Variants in ZNF668 observed in about 807,000 individuals in gnomAD.
The protein encoded by ZNF668 is zinc finger protein 668.
A neutral mutation model predicts 40.3 loss-of-function variants in ZNF668; 10 were observed. The observed-to-expected ratio is 0.25, with a 90% CI of 0.15 to 0.42. The LOEUF (loss-of-function observed/expected upper bound fraction) is 0.42. Among genes scored for constraint, ZNF668 ranks in the 10% least tolerant of loss-of-function variants. ZNF668 has a pLI of 1.00. For synonymous variants in ZNF668, 428 were observed against 384.6 expected (o/e 1.11, Z -1.32); for missense variants, 749 against 904.6 (o/e 0.83, Z 2.21).
intron 2 of ZNF668, 117 bp downstream of exon 2, chr16:31,063,696 C>T (rs1157791417): frequency 5.8e-6 from 7 of 1,211,324 alleles, no homozygotes; most frequent in Non-Finnish European, 7.8e-6. Context: ...CTTGGATCTG[C>T]CATGCCCACC....
chr16:31,061,471 C>G lies in ZNF668; in HGVS notation c.1457G>C (p.Cys486Ser). The change falls in exon 3 of 3, where the codon TGC becomes TCC. Residue 486 changes from cysteine to serine, a missense_variant. Coordinates refer to ENST00000300849, the MANE Select transcript of ZNF668 (RefSeq NM_024706.5). The surrounding 1 kb of genome is among the most constrained non-coding windows in gnomAD (Gnocchi z 7.7). ...AGCCTCCCGGACACCAGCATCTTGG[C>G]ATTCCACATGCTCCACCGTCATGCC... ...VVGMTVEHVE[C>S]QDAGVREAPG... 2 of 1,613,602 alleles carry G rather than the reference C, an allele frequency of 1.2e-6. No homozygotes were observed. Among genetic ancestry groups the G allele is most frequent in the Non-Finnish European group, 1.7e-6 (2 of 1,179,970 alleles).
intron 1 of ZNF668, chr16:31,065,348 C>A (rs1211485350): frequency 6.4e-6 from 1 of 155,398 alleles, no homozygotes; most frequent in African/African-American, 2.4e-5. Context: ...CTGTATTAGT[C>A]TTAACACCAG....
intron 1 of ZNF668, among the ~76,000 whole-genome samples, chr16:31,072,039 G>A (rs924953328): frequency 2.6e-5 from 4 of 152,182 alleles, no homozygotes; most frequent in Non-Finnish European, 2.9e-5. Flanking sequence ...TAGGATTAGC[G>A]TTCTTATGAG....
intron 1 of ZNF668, among the ~76,000 whole-genome samples, chr16:31,068,233 AAAAAAAATATAT>A (rs1187531070): frequency 2.1e-4 from 18 of 85,236 alleles, no homozygotes; most frequent in African/African-American, 1.0e-3. Context: ...AAAAAAAAAA[AAAAAAAATATAT>A]ATATATATAT....
intron 1 of ZNF668, chr16:31,064,884 A>T: frequency 9.2e-6 from 13 of 1,417,302 alleles, no homozygotes; most frequent in Non-Finnish European, 1.2e-5. Flanking sequence ...AAGGTCTCCA[A>T]GCGCCCAGAA....
intron 1 of ZNF668, chr16:31,064,726 C>T (rs1053358440): frequency 3.1e-5 from 48 of 1,528,970 alleles, no homozygotes; most frequent in Non-Finnish European, 4.1e-5. Flanking sequence ...TTCACCTACA[C>T]GTCCCCCCCC....
At position 31,064,088 on chromosome 16, in the gene ZNF668, G is replaced by A. The variant is rs557918846; in HGVS notation, c.372C>T (p.Pro124=). ...CPECGRRFMQ[P]VCLRVHLASH... ...AGGCCAGGTGCACGCGCAGGCACAC[G>A]GGCTGCATGAAGCGGCGGCCGCACT... The change falls in exon 2 of 3, where the codon CCC becomes CCT. Residue 124 remains proline, a synonymous_variant. Coordinates refer to ENST00000300849, the MANE Select transcript of ZNF668 (RefSeq NM_024706.5). 2 of 1,606,024 alleles carry A rather than the reference G, an allele frequency of 1.2e-6. No individual in the cohort carries two copies. Among genetic ancestry groups the A allele is most frequent in the Non-Finnish European group, 1.7e-6 (2 of 1,177,038 alleles).
In ZNF668 at chr16:31,070,996, G is replaced by A. The variant is rs180851694; in HGVS notation, c.-23+2663C>T. Among the ~76,000 whole-genome samples, 274 of 151,652 alleles carry A rather than the reference G, an allele frequency of 1.8e-3. 3 individuals are homozygous for A. The highest frequency in any genetic ancestry group is 1.0e-3 in the South Asian group (5 of 4,802). ...TCTGCCTCAGCCTCCCAAGTATTTG[G>A]GATTACAGGTGCCTGCCACCACAGC... On this transcript the variant is annotated intron_variant, in intron 1 of 2. Transcript: ENST00000300849.
chr16:31,064,260 T>C lies in ZNF668; in HGVS notation c.200A>G (p.Glu67Gly), dbSNP rs1596753603. The change falls in exon 2 of 3, where the codon GAG (glutamate) becomes GGG (glycine). Residue 67 changes from glutamate to glycine, a missense_variant. By Grantham distance (98) the Glu-to-Gly change is moderately conservative (BLOSUM62 -2). Around this residue, in one of 4 missense-constraint regions of ZNF668, gnomAD observed 159 missense variants for 139.8 expected, o/e 1.14. Coordinates refer to ENST00000300849, the MANE Select transcript of ZNF668 (RefSeq NM_024706.5). ...TGACACCTTCTCCCCACTGGCTTCC[T>C]CTGCCTTAGCTTCTGTCTCTGGCTT... is the stretch of plus-strand genomic sequence containing the variant. ...KPKPETEAKA[E>G]EASGEKVSGS... The C allele has an allele frequency of 6.2e-7, 1 of 1,613,746 alleles. No individual in the cohort carries two copies. The highest frequency in any genetic ancestry group is 1.1e-5 in the South Asian group (1 of 91,092).
chr16:31,068,059 C>G (rs989802748), intron 1 of ZNF668, among the ~76,000 whole-genome samples: 1 of 151,210 alleles, frequency 6.6e-6, no homozygotes, highest in Non-Finnish European at 1.5e-5. Flanking sequence ...GGGTCTCAGC[C>G]TTCCTATCTG....
rs541185451 is a variant in ZNF668 at position 31,066,200 on chromosome 16, C to T, written c.-22-1719G>A. On this transcript the variant is annotated intron_variant, in intron 1 of 2. Transcript: ENST00000300849. ...AAGTAATGAATGATGTTTCCTGTTCCCTGCTCAAGAACTTTCCATGGCTTC... is the reference window on the plus strand; with the variant it reads ...AAGTAATGAATGATGTTTCCTGTTCTCTGCTCAAGAACTTTCCATGGCTTC... 4 of 985,406 alleles carry T rather than the reference C, an allele frequency of 4.1e-6. No individual in the cohort carries two copies. In the Admixed American group the frequency reaches 1.8e-4, roughly 45 times the overall value. The allele number at this position is 985,406 out of a possible 1,614,324, so 61.0% of individuals were successfully genotyped here.
intron 1 of ZNF668, among the ~76,000 whole-genome samples, chr16:31,068,264 A>ATG (rs1555498584): frequency 6.4e-4 from 72 of 111,780 alleles, no homozygotes; most frequent in South Asian, 2.5e-3. Flanking sequence ...ATATATATAT[A>ATG]TAATTTTTGA....
Position 31,060,891 on chromosome 16 carries a change from C to T in ZNF668, c.*177G>A, listed in dbSNP as rs1259168635. 2 of 674,888 alleles carry T rather than the reference C, an allele frequency of 3.0e-6. No individual in the cohort carries two copies. Among genetic ancestry groups the T allele is most frequent in the Non-Finnish European group, 4.4e-6 (2 of 453,856 alleles). 41.8% of individuals were successfully genotyped at this position (674,888 alleles called of 1,614,324 possible). A position where few individuals can be genotyped will look rare whatever the true frequency, so the allele number is the denominator to read the frequency against. On this transcript the variant is annotated 3_prime_UTR_variant, in exon 3 of 3. Transcript: ENST00000300849. ...TTAATGAGTGTTACTCCTAGACAGT[C>T]ACGTCTCAGCTTCTGCCAGCCTCCA...
In ZNF668 at chr16:31,071,661, C is replaced by T. The variant is rs185754750; in HGVS notation, c.-23+1998G>A. On this transcript the variant is annotated intron_variant, in intron 1 of 2. Transcript: ENST00000300849. The stretch of plus-strand genomic sequence containing the variant: ...AGAGATGGAGGTCTCACTACGCTGC[C>T]GACAGTGGTCTCAAGAACTCCTGGC... Among the ~76,000 whole-genome samples, 11 of 152,190 alleles carry T rather than the reference C, an allele frequency of 7.2e-5. No homozygotes were observed. In the East Asian group the frequency reaches 1.9e-3, roughly 27 times the overall value.
In ZNF668 at chr16:31,061,084, T is replaced by C; in HGVS notation, c.1844A>G (p.Glu615Gly). The C allele has an allele frequency of 2.7e-6, 4 of 1,499,452 alleles. No homozygotes were observed. Among genetic ancestry groups the C allele is most frequent in the Non-Finnish European group, 3.5e-6 (4 of 1,126,852 alleles). 92.9% of individuals were successfully genotyped at this position (1,499,452 alleles called of 1,614,324 possible). The change falls in exon 3 of 3, where the codon GAA becomes GGA. Residue 615 changes from glutamate (E) to glycine (G), a missense_variant. By Grantham distance (98) the Glu-to-Gly change is moderately conservative. Transcript: ENST00000300849. The surrounding 1 kb of genome is among the most constrained non-coding windows in gnomAD (Gnocchi z 7.7). ...TCATGGGCTTCAGGCCGGCCCCTCTTCAGGCATTCCTAGCAAAGCCACCAG... is the reference window on the plus strand; with the variant it reads ...TCATGGGCTTCAGGCCGGCCCCTCTCCAGGCATTCCTAGCAAAGCCACCAG... Reference protein sequence around the residue: ...EPLVALLGMPEEGPA With the variant: ...EPLVALLGMPGEGPA
chr16:31,062,339 C>T, intron 2 of ZNF668, 59 bp from the exon 3 acceptor site: 1 of 1,526,442 alleles, frequency 6.6e-7, no homozygotes, highest in Non-Finnish European at 8.8e-7. Flanking sequence ...GACCCCACTG[C>T]CTGTCTGGGC....
Position 31,062,285 on chromosome 16 carries a change from G to C in ZNF668, c.648-5C>G. 3 of 1,590,864 alleles carry C rather than the reference G, an allele frequency of 1.9e-6. No individual in the cohort carries two copies. Among genetic ancestry groups the C allele is most frequent in the African/African-American group, 2.7e-5 (2 of 74,800 alleles). On this transcript the variant is annotated splice_polypyrimidine_tract_variant and splice_region_variant and intron_variant, in intron 2 of 2. Transcript: ENST00000300849. ...GGGCGCTCGCCGGTGTGGGACCTGC[G>C]GGGGTGTGGAGGACTTGGCATGAAG...
chr16:31,072,573 T>G (rs2057022993), intron 1 of ZNF668, among the ~76,000 whole-genome samples: 1 of 152,194 alleles, frequency 6.6e-6, no homozygotes. Flanking sequence ...GGGGCAGGGA[T>G]GAGGAGAAAA....
chr16:31,063,367 G>C (rs1309229250), intron 2 of ZNF668, among the ~76,000 whole-genome samples: 1 of 151,920 alleles, frequency 6.6e-6, no homozygotes, highest in Non-Finnish European at 1.5e-5. Flanking sequence ...TTGGGCTCAA[G>C]CAATCCTCCT....
Sources: gnomAD v4.1 joint callset for allele counts (sites outside exome capture counted in the v4.1 genomes callset) on GRCh38, gnomAD v4.1.1 for gene constraint, gnomAD v4.1.1 regional missense constraint, Gnocchi (gnomAD v3.1) non-coding constraint, MANE v1.5 for transcripts, NCBI Gene and HGNC (gene_info 2026-07-23, HGNC 2026-07-21) for gene names.